Variants in HDC observed in about 807,000 individuals in gnomAD.
HDC encodes histidine decarboxylase.
A neutral mutation model predicts 64.4 loss-of-function variants in HDC; 27 were observed. The observed-to-expected ratio is 0.42, with a 90% CI of 0.31 to 0.58. The LOEUF is 0.58. Ranked by LOEUF, HDC falls within the 20% of genes least tolerant of loss-of-function variation. The pLI is 0.16. For synonymous variants in HDC, 305 were observed against 314.2 expected, an observed-to-expected ratio of 0.97 and a Z score of 0.31; for missense variants, 711 against 833.9, an observed-to-expected ratio of 0.85 and a Z score of 1.81.
At chr15:50,252,926 G>T in intron 7 of HDC, 152 bp from the exon 8 acceptor site, 2 of 707,724 alleles carry the variant, frequency 2.8e-6, no homozygotes, top group Non-Finnish European at 4.8e-6. Flanking sequence ...GGTGGAGTCA[G>T]TTTGAAGAAG....
chr15:50,258,385 T>TA lies in HDC; in HGVS notation c.318+18dup, dbSNP rs1346984732. On this transcript the variant is annotated intron_variant, in intron 3 of 11. Coordinates refer to ENST00000267845, the MANE Select transcript of HDC (RefSeq NM_002112.4). ...TGCTACGTTCCCCATTGCGAGTAGT[T>TA]ACAGCCGTTGCTACTCACCCAGGTG... 2 of 1,429,794 alleles carry TA rather than the reference T, an allele frequency of 1.4e-6. No homozygotes were observed. Among genetic ancestry groups the TA allele is most frequent in the East Asian group, 2.3e-5 (1 of 43,954 alleles). The allele number at this position is 1,429,794 out of a possible 1,614,324, so 88.6% of individuals were successfully genotyped here. A position where few individuals can be genotyped will look rare whatever the true frequency, so the allele number is the denominator to read the frequency against.
intron 10 of HDC, among the ~76,000 whole-genome samples, 186 bp from the exon 11 acceptor site, chr15:50,243,430 G>A (rs906639572): frequency 6.6e-6 from 1 of 152,134 alleles, no homozygotes; most frequent in East Asian, 1.9e-4. Context: ...ATTTCCAATG[G>A]CGCCCTGTTT....
chr15:50,252,400 CCACCAGGCTGCCCGTCCCTGGCCACT>C lies in HDC; in HGVS notation c.1041+4_1041+29del, dbSNP rs1222274889. On this transcript the variant is annotated splice_donor_5th_base_variant and intron_variant, in intron 9 of 11. Coordinates refer to ENST00000267845, the MANE Select transcript of HDC (RefSeq NM_002112.4). ...TACAGTTCCCACTGGCCACCCGAGC[CCACCAGGCTGCCCGTCCCTGGCCACT>C]CACCATGAAGTCGGTGGCCACGCCT... 1 of 1,597,792 alleles carries C rather than the reference CCACCAGGCTGCCCGTCCCTGGCCACT, an allele frequency of 6.3e-7. No homozygotes were observed. The highest frequency in any genetic ancestry group is 2.2e-5 in the East Asian group (1 of 44,822).
Position 50,248,226 on chromosome 15 carries a change from A to C in HDC, c.1140+19T>G. ...ACAGAGGAACACAGGCTCAGCCCCCACAGCAGCATGCTACATACATGTCTG... is the reference window on the plus strand; with the variant it reads ...ACAGAGGAACACAGGCTCAGCCCCCCCAGCAGCATGCTACATACATGTCTG... On this transcript the variant is annotated intron_variant, in intron 10 of 11. Coordinates refer to ENST00000267845, the MANE Select transcript of HDC (RefSeq NM_002112.4). The surrounding 1 kb of genome is among the most constrained non-coding windows in gnomAD (Gnocchi z 4.3). 6.4e-7 allele frequency: 1 copy of C among 1,550,968 alleles called. No individual in the cohort carries two copies. The highest frequency in any genetic ancestry group is 8.9e-7 in the Non-Finnish European group (1 of 1,122,478).
At chr15:50,252,395 C>T (rs373734856) in intron 9 of HDC, 35 bp downstream of exon 9, 64 of 1,585,676 alleles carry the variant, frequency 4.0e-5, no homozygotes, top group South Asian at 5.5e-5. Context: ...ACTGGCCACC[C>T]GAGCCCACCA....
intron 9 of HDC, among the ~76,000 whole-genome samples, chr15:50,250,798 A>G (rs1441106071): frequency 6.6e-6 from 1 of 152,146 alleles, no homozygotes. Context: ...ATAAAGAACC[A>G]TTATTTTTCT....
chr15:50,251,654 CT>C (rs1218816340), intron 9 of HDC, among the ~76,000 whole-genome samples: 1 of 152,114 alleles, frequency 6.6e-6, no homozygotes, highest in African/African-American at 2.4e-5. Flanking sequence ...AAAATACTGG[CT>C]GAGGATGTGG....
chr15:50,254,032 C>T lies in HDC; in HGVS notation c.720+98G>A, dbSNP rs568758120. The T allele has an allele frequency of 6.4e-4, 835 of 1,307,220 alleles. 5 individuals carry two copies. The highest frequency in any genetic ancestry group is 1.0e-3 in the South Asian group (85 of 83,730). 81.0% of individuals were successfully genotyped at this position (1,307,220 alleles called of 1,614,324 possible). On this transcript the variant is annotated intron_variant, in intron 6 of 11. Transcript: ENST00000267845. Reference sequence around the variant, plus strand: ...AATACTGTATGGGAGGACCTTTCTGCTTTTGTGTGCAGCATGTTACTTACC... The same window carrying T: ...AATACTGTATGGGAGGACCTTTCTGTTTTTGTGTGCAGCATGTTACTTACC...
intron 4 of HDC, 133 bp downstream of exon 4, chr15:50,257,292 G>A: frequency 9.5e-7 from 1 of 1,055,434 alleles, no homozygotes; most frequent in Non-Finnish European, 1.5e-6. Flanking sequence ...TGTGATGATG[G>A]TGCTGTTGGT....
Position 50,242,167 on chromosome 15 carries a change from T to G in HDC, c.*93A>C, listed in dbSNP as rs936344637. ...ATGAACTCGCCCCAAGAAAAATGCA[T>G]GTACACATAAGCACACAAAGTTGGC... On this transcript the variant is annotated 3_prime_UTR_variant, in exon 12 of 12. Transcript: ENST00000267845. 1.9e-6 allele frequency: 2 copies of G among 1,057,866 alleles called. No individual in the cohort carries two copies. The highest frequency in any genetic ancestry group is 2.9e-6 in the Non-Finnish European group (2 of 681,746). The allele number at this position is 1,057,866 out of a possible 1,614,324, so 65.5% of individuals were successfully genotyped here.
intron 10 of HDC, among the ~76,000 whole-genome samples, chr15:50,247,310 C>G (rs930284390): frequency 7.2e-5 from 11 of 152,174 alleles, no homozygotes; most frequent in African/African-American, 2.7e-4. Flanking sequence ...CTAATTTGAT[C>G]ATTGCACATT....
chr15:50,253,537 T>C (rs752136716), intron 7 of HDC, 63 bp downstream of exon 7: 29 of 1,439,364 alleles, frequency 2.0e-5, no homozygotes, highest in Non-Finnish European at 2.8e-5. Flanking sequence ...TTCAGGTCCT[T>C]GCTTTAGGAG....
In HDC at chr15:50,252,740, A is replaced by T. The variant is rs754152510; in HGVS notation, c.822T>A (p.Ala274=). ...ACAGGAAGGCAGTGCCTGCATAAGCAGCATCGATGTGGAGCCACAGCCCCT... is the reference window on the plus strand; with the variant it reads ...ACAGGAAGGCAGTGCCTGCATAAGCTGCATCGATGTGGAGCCACAGCCCCT... The part of the protein sequence containing the change: ...AREGLWLHID[A]AYAGTAFLCP... Residue 274 remains alanine (A), a synonymous_variant, in exon 8 of 12, where the codon GCT becomes GCA. Coordinates refer to ENST00000267845, the MANE Select transcript of HDC (RefSeq NM_002112.4). The T allele has an allele frequency of 5.6e-6, 9 of 1,614,048 alleles. 1 individual carries two copies. Among genetic ancestry groups the T allele is most frequent in the Admixed American group, 1.7e-5 (1 of 60,014 alleles).
rs753615354 is a variant in HDC, at chr15:50,252,451, T to A, written c.1020A>T (p.Ser340=). 6.2e-7 allele frequency: 1 copy of A among 1,614,080 alleles called. No homozygotes were observed. The change falls in exon 9 of 12, where the codon TCA becomes TCT. Residue 340 remains serine (S), a synonymous_variant. Transcript: ENST00000267845. ...TCACCATGAAGTCGGTGGCCACGCC[T>A]GAGTTGGCATGCCTGAGGTAGATGG... ...VNPIYLRHAN[S]GVATDFMHWQ...
In HDC at chr15:50,248,750, T is replaced by G. The variant is rs2045515917; in HGVS notation, c.1042-407A>C. On this transcript the variant is annotated intron_variant, in intron 9 of 11. Coordinates refer to ENST00000267845, the MANE Select transcript of HDC (RefSeq NM_002112.4). This position sits in a 1 kb window ranked among gnomAD's most constrained non-coding sequence, Gnocchi z 4.3. The stretch of plus-strand genomic sequence containing the variant: ...AGTTCTATTTTTATTCCTCCCAAAA[T>G]GTAAAGTATGGTAGTTAGAGCACAG... 6.6e-6 allele frequency among the ~76,000 whole-genome samples: 1 copy of G among 152,120 alleles called. No individual in the cohort carries two copies. Among genetic ancestry groups the G allele is most frequent in the Non-Finnish European group, 1.5e-5 (1 of 68,032 alleles).
intron 4 of HDC, among the ~76,000 whole-genome samples, chr15:50,255,157 ACT>A (rs781452876): frequency 1.8e-4 from 27 of 151,794 alleles, no homozygotes; most frequent in Non-Finnish European, 3.2e-4. Flanking sequence ...CCTCCAGAAG[ACT>A]CTTTTCTGTC....
chr15:50,251,833 GA>G (rs1055493584), intron 9 of HDC, among the ~76,000 whole-genome samples: 15 of 145,168 alleles, frequency 1.0e-4, no homozygotes, highest in East Asian at 8.0e-4. Flanking sequence ...CTCTGTCTCA[GA>G]AAAAAAAAAA....
intron 10 of HDC, among the ~76,000 whole-genome samples, chr15:50,245,236 T>C (rs577982317): frequency 6.6e-6 from 1 of 152,346 alleles, no homozygotes; most frequent in African/African-American, 2.4e-5. Flanking sequence ...TAAAGTTTTT[T>C]GGAACACAGC....
rs1432188802 is a variant in HDC at position 50,242,354 on chromosome 15, T to G, written c.1895A>C (p.Lys632Thr). The G allele has an allele frequency of 6.2e-7, 1 of 1,613,968 alleles. No homozygotes were observed. The highest frequency in any genetic ancestry group is 8.5e-7 in the Non-Finnish European group (1 of 1,180,028). ...MMMLKKSAFKKLIKFYSVPSF... is the reference protein window; with the variant it reads ...MMMLKKSAFKTLIKFYSVPSF... ...GGGGACGCTGTAGAATTTGATGAGT[T>G]TTTTGAAGGCACTTTTCTTCAGCAT... The change falls in exon 12 of 12, where the codon AAA becomes ACA. Residue 632 changes from lysine to threonine, a missense_variant. Transcript: ENST00000267845.
Sources: allele counts gnomAD v4.1 joint callset (sites outside exome capture counted in the v4.1 genomes callset), GRCh38; gene constraint gnomAD v4.1.1; non-coding constraint Gnocchi (gnomAD v3.1); transcripts MANE v1.5; gene names NCBI Gene and HGNC (gene_info 2026-07-23, HGNC 2026-07-21).